The following OR52N4 variants were observed in gnomAD, a reference collection of about 807,000 sequenced individuals.
OR52N4 encodes the protein olfactory receptor 52N4.
In OR52N4, 15 loss-of-function variants were observed where a neutral mutation model predicts 15.0. That is an observed-to-expected ratio of 1.00 (90% CI 0.67 to 1.54). The LOEUF (loss-of-function observed/expected upper bound fraction) is 1.54. Ranked by LOEUF, OR52N4 falls within the 40% of genes most tolerant of loss-of-function variation. OR52N4 has a pLI of 0.00. For synonymous variants in OR52N4, 143 were observed against 143.7 expected, an observed-to-expected ratio of 1.00 and a Z score of 0.03; for missense variants, 421 against 394.0, an observed-to-expected ratio of 1.07 and a Z score of -0.58.
chr11:5,733,449 C>T, the OR52N4 span, among the ~76,000 whole-genome samples: 1 of 152,164 alleles, frequency 6.6e-6, no homozygotes, highest in African/African-American at 2.4e-5. Flanking sequence ...CCCCAACACA[C>T]ACACCATAGT....
At chr11:5,750,037 G>A (rs1191032409), upstream of OR52N4, among the ~76,000 whole-genome samples, 2 of 151,874 alleles carry the variant, frequency 1.3e-5, no homozygotes, top group African/African-American at 4.8e-5. Flanking sequence ...GACCTAAATT[G>A]TTGTGTAAGC....
At chr11:5,743,657 G>A in the OR52N4 span, among the ~76,000 whole-genome samples, 2 of 152,062 alleles carry the variant, frequency 1.3e-5, no homozygotes, top group East Asian at 3.9e-4. Context: ...CAAAATCAAG[G>A]CAGAAATTTT....
upstream of OR52N4, among the ~76,000 whole-genome samples, chr11:5,750,192 T>G (rs1046276133): frequency 3.9e-5 from 6 of 151,996 alleles, no homozygotes; most frequent in African/African-American, 1.4e-4. Flanking sequence ...GAGATATTTA[T>G]GCTTCCCCTA....
chr11:5,734,514 T>G, the OR52N4 span, among the ~76,000 whole-genome samples: 1 of 152,152 alleles, frequency 6.6e-6, no homozygotes, highest in South Asian at 2.1e-4. Context: ...CTGTTTTATA[T>G]AGCAGAATCG....
chr11:5,754,179 G>A (rs1175419025), upstream of OR52N4: 1 of 151,820 alleles, frequency 6.6e-6, no homozygotes, highest in African/African-American at 2.4e-5. Context: ...AAGCTTCATT[G>A]AGTAATAATT....
chr11:5,736,693 G>A, the OR52N4 span: 2 of 1,613,906 alleles, frequency 1.2e-6, no homozygotes, highest in South Asian at 2.2e-5. Context: ...TCATCATCTG[G>A]CAGAACCCTT....
upstream of OR52N4, among the ~76,000 whole-genome samples, chr11:5,752,876 T>C (rs1486981294): frequency 1.3e-5 from 2 of 152,190 alleles, no homozygotes; most frequent in South Asian, 2.1e-4. Context: ...CGTTTTTGTA[T>C]TTCATTTAAA....
the OR52N4 span, among the ~76,000 whole-genome samples, chr11:5,731,744 T>G: frequency 1.9e-3 from 282 of 152,304 alleles, 2 homozygotes; most frequent in Middle Eastern, 6.8e-3. Context: ...CCCCTCCTTT[T>G]TTCAGCAACC....
the OR52N4 span, among the ~76,000 whole-genome samples, chr11:5,735,021 G>A: frequency 6.6e-6 from 1 of 151,936 alleles, no homozygotes; most frequent in Non-Finnish European, 1.5e-5. Flanking sequence ...TTTTTAATAA[G>A]AATTGATACA....
At chr11:5,736,699 C>CA in the OR52N4 span, 8 of 1,613,878 alleles carry the variant, frequency 5.0e-6, no homozygotes, top group South Asian at 6.6e-5. Flanking sequence ...TCTGGCAGAA[C>CA]CCTTCTTTAC....
At chr11:5,732,650 A>G in the OR52N4 span, among the ~76,000 whole-genome samples, 1 of 152,166 alleles carries the variant, frequency 6.6e-6, no homozygotes, top group Non-Finnish European at 1.5e-5. Context: ...TACATGCTAG[A>G]CCACCTTCTT....
At chr11:5,735,083 T>C in the OR52N4 span, among the ~76,000 whole-genome samples, 1 of 152,092 alleles carries the variant, frequency 6.6e-6, no homozygotes, top group African/African-American at 2.4e-5. Flanking sequence ...ACAATAATTA[T>C]ATCAAAAATC....
At chr11:5,731,571 G>T in the OR52N4 span, among the ~76,000 whole-genome samples, 1 of 152,060 alleles carries the variant, frequency 6.6e-6, no homozygotes, top group African/African-American at 2.4e-5. Context: ...TTACCAAATG[G>T]TAGCTCTTAA....
chr11:5,729,309 A>G, the OR52N4 span, among the ~76,000 whole-genome samples: 2 of 151,410 alleles, frequency 1.3e-5, no homozygotes, highest in African/African-American at 4.9e-5. Flanking sequence ...TTTAGTAGAG[A>G]CGGGGTTTCA....
At chr11:5,736,567 G>C in the OR52N4 span, 1 of 1,613,886 alleles carries the variant, frequency 6.2e-7, no homozygotes, top group Non-Finnish European at 8.5e-7. Flanking sequence ...CCAAATTCCA[G>C]GTCTCTGAGT....
the OR52N4 span, among the ~76,000 whole-genome samples, chr11:5,741,584 C>A: frequency 2.6e-5 from 4 of 152,276 alleles, no homozygotes; most frequent in South Asian, 8.3e-4. Context: ...CCAGAAAACA[C>A]AACATTCACC....
At chr11:5,753,635 A>C (rs555341932), upstream of OR52N4, among the ~76,000 whole-genome samples, 3 of 152,276 alleles carry the variant, frequency 2.0e-5, no homozygotes, top group South Asian at 4.1e-4. Flanking sequence ...TTGTGGGCAC[A>C]TAGTAGGTGT....
chr11:5,737,726 G>A, the OR52N4 span: 3 of 392,934 alleles, frequency 7.6e-6, no homozygotes, highest in South Asian at 5.5e-5. Flanking sequence ...AAATCAAATT[G>A]GATTTAAAGA....
chr11:5,748,744 G>A, the OR52N4 span, among the ~76,000 whole-genome samples: 1 of 151,930 alleles, frequency 6.6e-6, no homozygotes, highest in Admixed American at 6.6e-5. Flanking sequence ...CTCTACTTCT[G>A]TGCTTTTGAT....
Sources: allele counts gnomAD v4.1 joint callset (sites outside exome capture counted in the v4.1 genomes callset), GRCh38; gene constraint gnomAD v4.1.1; transcripts MANE v1.5; gene names NCBI Gene and HGNC (gene_info 2026-07-23, HGNC 2026-07-21).